Variants in PTPRG observed in about 807,000 individuals in gnomAD.
The protein encoded by PTPRG is protein tyrosine phosphatase receptor type G, also known as receptor-type tyrosine-protein phosphatase gamma.
Under a neutral mutation model 165.3 loss-of-function variants are expected in PTPRG, and 102 were observed. The ratio of observed to expected loss-of-function variants is 0.62; its 90% CI spans 0.53 to 0.73. PTPRG has a LOEUF of 0.73. Ranked by LOEUF, PTPRG falls within the 30% of genes least tolerant of loss-of-function variation. The pLI is 0.00. For synonymous variants in PTPRG, 675 were observed against 669.5 expected (o/e 1.01, Z -0.13); for missense variants, 1,866 against 1,861.4 (o/e 1.00, Z -0.05).
intron 2 of PTPRG, among the ~76,000 whole-genome samples, chr3:61,965,512 A>G (rs941447644): frequency 2.7e-5 from 4 of 148,088 alleles, no homozygotes; most frequent in South Asian, 2.1e-4. Flanking sequence ...AAAAAAGTTA[A>G]GCTTAAACCC....
chr3:61,669,930 A>G (rs1321622986), intron 1 of PTPRG, among the ~76,000 whole-genome samples: 1 of 152,132 alleles, frequency 6.6e-6, no homozygotes, highest in Non-Finnish European at 1.5e-5. Flanking sequence ...TTCGTGGAAG[A>G]GGTAGCTTGG....
chr3:62,211,182 G>A (rs1700349371), intron 12 of PTPRG, among the ~76,000 whole-genome samples: 1 of 152,208 alleles, frequency 6.6e-6, no homozygotes, highest in African/African-American at 2.4e-5. Flanking sequence ...GCCTGTAAAA[G>A]GAACGAAATC....
intron 1 of PTPRG, among the ~76,000 whole-genome samples, chr3:61,661,008 A>T (rs1702645657): frequency 6.6e-6 from 1 of 152,162 alleles, no homozygotes; most frequent in Non-Finnish European, 1.5e-5. Flanking sequence ...ATCTCAAAAA[A>T]CAAAACCTTA....
rs539051036 is a variant in PTPRG, at chr3:61,980,413, C to CT, written c.191-9205dup. On this transcript the variant is annotated intron_variant, in intron 2 of 29. Coordinates refer to ENST00000474889, the MANE Select transcript of PTPRG (RefSeq NM_002841.4). ...CAATGGACTTCAGAGCTTGTTTCTTCTTTTTTTGTCTAAATGAGATCTTTA... is the reference window on the plus strand; with the variant it reads ...CAATGGACTTCAGAGCTTGTTTCTTCTTTTTTTTGTCTAAATGAGATCTTTA... Among the ~76,000 whole-genome samples, 62 of 152,206 alleles carry CT rather than the reference C, an allele frequency of 4.1e-4. 1 individual carries two copies. The East Asian group carries it at 6.8e-3, about 17-fold the overall frequency.
At chr3:62,105,362 T>C (rs776720176) in intron 5 of PTPRG, among the ~76,000 whole-genome samples, 1 of 152,186 alleles carries the variant, frequency 6.6e-6, no homozygotes, top group Non-Finnish European at 1.5e-5. Flanking sequence ...CATGATTTCT[T>C]TTCCAGCAAA....
intron 2 of PTPRG, among the ~76,000 whole-genome samples, chr3:61,820,533 A>C (rs1377838739): frequency 6.6e-6 from 1 of 151,558 alleles, no homozygotes; most frequent in African/African-American, 2.4e-5. Context: ...GGCCCAGTCA[A>C]GTTGACACAC....
At chr3:61,802,079 A>T (rs1259233653) in intron 2 of PTPRG, among the ~76,000 whole-genome samples, 1 of 151,750 alleles carries the variant, frequency 6.6e-6, no homozygotes, top group Non-Finnish European at 1.5e-5. Context: ...CATCCTAACT[A>T]GCTCCATTAT....
intron 8 of PTPRG, among the ~76,000 whole-genome samples, chr3:62,191,246 CGT>C (rs1373250675): frequency 6.8e-6 from 1 of 146,710 alleles, no homozygotes; most frequent in Non-Finnish European, 1.5e-5. Context: ...CCCTTGCACA[CGT>C]GTGTGTGCAT....
chr3:62,070,422 T>C (rs1559779353), intron 4 of PTPRG, among the ~76,000 whole-genome samples: 1 of 152,228 alleles, frequency 6.6e-6, no homozygotes, highest in African/African-American at 2.4e-5. Context: ...CTTTATCACT[T>C]GGCTGTCCTT....
At chr3:61,759,003 G>A (rs1300761447) in intron 2 of PTPRG, among the ~76,000 whole-genome samples, 2 of 152,168 alleles carry the variant, frequency 1.3e-5, no homozygotes, top group East Asian at 3.8e-4. Flanking sequence ...ATATGATCCT[G>A]TTGTGCTCAG....
chr3:61,656,465 T>C (rs1338980795), intron 1 of PTPRG, among the ~76,000 whole-genome samples: 1 of 152,200 alleles, frequency 6.6e-6, no homozygotes, highest in Non-Finnish European at 1.5e-5. Flanking sequence ...GGAATACTCT[T>C]GTGATGAGTG....
At chr3:62,223,687 G>T (rs2106900379) in intron 13 of PTPRG, among the ~76,000 whole-genome samples, 1 of 152,184 alleles carries the variant, frequency 6.6e-6, no homozygotes, top group African/African-American at 2.4e-5. Flanking sequence ...CCTGGCACAT[G>T]GTGAATGTGA....
chr3:61,908,143 AAAAAAAT>A (rs1164114783), intron 2 of PTPRG, among the ~76,000 whole-genome samples: 2 of 149,046 alleles, frequency 1.3e-5, no homozygotes, highest in Non-Finnish European at 3.0e-5. Flanking sequence ...AAAAAAAAAA[AAAAAAAT>A]CGGCCGGGCT....
intron 3 of PTPRG, among the ~76,000 whole-genome samples, chr3:62,000,012 A>G (rs1429954222): frequency 6.6e-6 from 1 of 152,160 alleles, no homozygotes; most frequent in Non-Finnish European, 1.5e-5. Context: ...TCTCCCCCCC[A>G]GGCCCGGGCT....
At chr3:62,170,586 G>A (rs1017175388) in intron 8 of PTPRG, among the ~76,000 whole-genome samples, 7 of 152,254 alleles carry the variant, frequency 4.6e-5, no homozygotes, top group South Asian at 2.1e-4. Flanking sequence ...TCCACTGAAC[G>A]GGCCTTCTCT....
chr3:61,565,283 T>A (rs1287610695), intron 1 of PTPRG, among the ~76,000 whole-genome samples: 1 of 152,182 alleles, frequency 6.6e-6, no homozygotes, highest in Non-Finnish European at 1.5e-5. Context: ...AAGTGATGCT[T>A]TCCAAGTGCA....
chr3:61,918,071 A>G (rs1275386405), intron 2 of PTPRG, among the ~76,000 whole-genome samples: 1 of 152,178 alleles, frequency 6.6e-6, no homozygotes, highest in Non-Finnish European at 1.5e-5. Flanking sequence ...AGTTTATAGA[A>G]CTCTTGAATT....
At chr3:62,099,302 T>A (rs185707293) in intron 5 of PTPRG, among the ~76,000 whole-genome samples, 2 of 152,324 alleles carry the variant, frequency 1.3e-5, no homozygotes. Context: ...GGAATGTCAT[T>A]TTTTGATTCC....
intron 2 of PTPRG, among the ~76,000 whole-genome samples, chr3:61,889,322 C>T (rs1168114570): frequency 6.6e-6 from 1 of 152,106 alleles, no homozygotes; most frequent in East Asian, 1.9e-4. Context: ...CTCATGTATT[C>T]TTGCCTTATT....
Sources: gnomAD v4.1 joint callset for allele counts (sites outside exome capture counted in the v4.1 genomes callset) on GRCh38, gnomAD v4.1.1 for gene constraint, MANE v1.5 for transcripts, NCBI Gene and HGNC (gene_info 2026-07-23, HGNC 2026-07-21) for gene names.